Variants in KCNJ6 observed in about 807,000 individuals in gnomAD.
The protein encoded by KCNJ6 is G protein-activated inward rectifier potassium channel 2.
In KCNJ6, 9 loss-of-function variants were observed where a neutral mutation model predicts 34.2. The observed-to-expected ratio is 0.26, with a 90% CI of 0.16 to 0.46. The LOEUF (loss-of-function observed/expected upper bound fraction) is 0.46, where lower values mean the gene tolerates loss of function less well. KCNJ6 is among the 20% of genes least tolerant of loss of function. The pLI is 1.00. For synonymous variants in KCNJ6, 196 were observed against 207.1 expected, an observed-to-expected ratio of 0.95 and a Z score of 0.46; for missense variants, 236 against 531.3, an observed-to-expected ratio of 0.44 and a Z score of 5.46.
intron 3 of KCNJ6, among the ~76,000 whole-genome samples, chr21:37,632,170 A>G (rs2054336800): frequency 6.6e-6 from 1 of 151,990 alleles, no homozygotes; most frequent in Admixed American, 6.6e-5. Flanking sequence ...GAGGATTTCC[A>G]GATTCTGTGT....
intron 2 of KCNJ6, among the ~76,000 whole-genome samples, chr21:37,733,056 T>C (rs1385093430): frequency 6.6e-6 from 1 of 152,228 alleles, no homozygotes; most frequent in Non-Finnish European, 1.5e-5. Context: ...ACTTCACCTT[T>C]AATGCACACT....
chr21:37,652,715 C>G (rs1310028012), intron 3 of KCNJ6, among the ~76,000 whole-genome samples: 1 of 152,180 alleles, frequency 6.6e-6, no homozygotes, highest in Non-Finnish European at 1.5e-5. Flanking sequence ...TGATTGGCCA[C>G]TCTAGTTGTC....
At chr21:37,735,212 T>C (rs2054906713) in intron 2 of KCNJ6, among the ~76,000 whole-genome samples, 1 of 152,144 alleles carries the variant, frequency 6.6e-6, no homozygotes, top group African/African-American at 2.4e-5. Flanking sequence ...GAAGATTCTC[T>C]GACACAATGG....
chr21:37,661,212 T>G (rs959190304), intron 3 of KCNJ6, among the ~76,000 whole-genome samples: 1 of 152,186 alleles, frequency 6.6e-6, no homozygotes, highest in Non-Finnish European at 1.5e-5. Flanking sequence ...CTCCCACCTT[T>G]TGGTATAATT....
intron 1 of KCNJ6, among the ~76,000 whole-genome samples, chr21:37,889,124 AT>A (rs1357110896): frequency 6.6e-6 from 1 of 152,196 alleles, no homozygotes; most frequent in African/African-American, 2.4e-5. Context: ...TCAAAATCAG[AT>A]GTGAACCACA....
intron 2 of KCNJ6, among the ~76,000 whole-genome samples, chr21:37,732,531 T>C (rs2054891117): frequency 6.6e-6 from 1 of 152,198 alleles, no homozygotes; most frequent in Non-Finnish European, 1.5e-5. Context: ...GGGGAAGCTA[T>C]TTCGGAAGAA....
intron 1 of KCNJ6, among the ~76,000 whole-genome samples, chr21:37,866,939 A>T (rs73904483): frequency 1.3e-5 from 2 of 152,226 alleles, no homozygotes; most frequent in Non-Finnish European, 2.9e-5. Context: ...AGCTATTTTT[A>T]CAATCTCTAA....
chr21:37,903,821 T>C (rs1033286858), intron 1 of KCNJ6, among the ~76,000 whole-genome samples: 1 of 152,224 alleles, frequency 6.6e-6, no homozygotes, highest in East Asian at 1.9e-4. Context: ...ACTTGTACAT[T>C]GCAAGGGCTC....
chr21:37,686,756 C>T (rs185055263), intron 3 of KCNJ6, among the ~76,000 whole-genome samples: 53 of 152,172 alleles, frequency 3.5e-4, no homozygotes, highest in African/African-American at 1.2e-3. Flanking sequence ...CGTGAGCCAC[C>T]GCGCCCAGCC....
At chr21:37,652,015 ATGT>A (rs2054436042) in intron 3 of KCNJ6, among the ~76,000 whole-genome samples, 1 of 152,170 alleles carries the variant, frequency 6.6e-6, no homozygotes, top group African/African-American at 2.4e-5. Flanking sequence ...ACAGTAGCTG[ATGT>A]TGTGGAACGT....
Position 37,618,861 on chromosome 21 carries a change from A to G in KCNJ6, c.*6298T>C, listed in dbSNP as rs2054281522. The G allele has an allele frequency of 6.6e-6, 1 of 152,234 alleles. No individual in the cohort carries two copies. The highest frequency in any genetic ancestry group is 2.4e-5 in the African/African-American group (1 of 41,468). The allele number at this position is 152,234 out of a possible 1,614,324, so 9.4% of individuals were successfully genotyped here. ...GACTCTCTTATTGAATTAGGTGGATACATGAAGCTTTCTTTTACCAAGGCA... is the reference window on the plus strand; with the variant it reads ...GACTCTCTTATTGAATTAGGTGGATGCATGAAGCTTTCTTTTACCAAGGCA... On this transcript the variant is annotated 3_prime_UTR_variant, in exon 4 of 4. Transcript: ENST00000609713.
At chr21:37,880,100 CA>C (rs10627837) in intron 1 of KCNJ6, among the ~76,000 whole-genome samples, 360 of 145,606 alleles carry the variant, frequency 2.5e-3, no homozygotes, top group African/African-American at 7.3e-3. Flanking sequence ...TCTAAAAATA[CA>C]AAAAAAAAAA....
At position 37,607,877 on chromosome 21, in the gene KCNJ6, T is replaced by C. The variant is rs1176216081; in HGVS notation, c.*17282A>G. On this transcript the variant is annotated 3_prime_UTR_variant, in exon 4 of 4. Transcript: ENST00000609713. ...TGTATGTTATATTTCTTAATATCCC[T>C]AAGTCCCTTCTAAAATAAACTCTTG... 1 of 152,236 alleles carries C rather than the reference T, an allele frequency of 6.6e-6. No individual in the cohort carries two copies. The highest frequency in any genetic ancestry group is 1.5e-5 in the Non-Finnish European group (1 of 68,026). 9.4% of individuals were successfully genotyped at this position (152,236 alleles called of 1,614,324 possible).
intron 2 of KCNJ6, among the ~76,000 whole-genome samples, chr21:37,743,838 T>TA (rs529165342): frequency 1.6e-3 from 250 of 152,160 alleles, no homozygotes; most frequent in African/African-American, 5.6e-3. Flanking sequence ...CTTACACCAT[T>TA]AAAAAAACCC....
chr21:37,761,175 G>C (rs1389570813), intron 2 of KCNJ6, among the ~76,000 whole-genome samples: 2 of 151,066 alleles, frequency 1.3e-5, no homozygotes, highest in African/African-American at 4.9e-5. Flanking sequence ...TGTGTGTTGT[G>C]TGTGCATGTG....
Position 37,617,124 on chromosome 21 carries a change from C to CTTCCTTCTTTCT in KCNJ6, c.*8023_*8034dup, listed in dbSNP as rs1431824370. On this transcript the variant is annotated 3_prime_UTR_variant, in exon 4 of 4. Coordinates refer to ENST00000609713, the MANE Select transcript of KCNJ6 (RefSeq NM_002240.5). ...TCTTTCTTTCTTTCCTTCTTCCTTC[C>CTTCCTTCTTTCT]TTCCTTCTTTCTTTCCTTCCTTCCT... 6 of 121,376 alleles carry CTTCCTTCTTTCT rather than the reference C, an allele frequency of 4.9e-5. No individual in the cohort carries two copies. The highest frequency in any genetic ancestry group is 9.9e-5 in the Non-Finnish European group (6 of 60,330). The allele number at this position is 121,376 out of a possible 1,614,324, so 7.5% of individuals were successfully genotyped here. A position where few individuals can be genotyped will look rare whatever the true frequency, so the allele number is the denominator to read the frequency against.
intron 2 of KCNJ6, among the ~76,000 whole-genome samples, chr21:37,729,682 A>G (rs541556866): frequency 2.0e-5 from 3 of 152,346 alleles, no homozygotes; most frequent in Non-Finnish European, 4.4e-5. Flanking sequence ...AGTTAGAACC[A>G]TTAAGAACCT....
Position 37,720,107 on chromosome 21 carries a change from G to GGT in KCNJ6, c.26-4977_26-4976insAC, listed in dbSNP as rs2054817042. Among the ~76,000 whole-genome samples, 6 of 151,158 alleles carry GGT rather than the reference G, an allele frequency of 4.0e-5. No individual in the cohort carries two copies. The South Asian group carries it at 1.3e-3, about 32-fold the overall frequency. On this transcript the variant is annotated intron_variant, in intron 2 of 3. Coordinates refer to ENST00000609713, the MANE Select transcript of KCNJ6 (RefSeq NM_002240.5). ...GTTAATAGGGCAATTTTGGGTGGGG[G>GGT]GGTTCATGAGTACTTTTAATTTTCT...
intron 3 of KCNJ6, among the ~76,000 whole-genome samples, chr21:37,644,669 C>G (rs193295820): frequency 4.6e-5 from 7 of 152,328 alleles, no homozygotes; most frequent in Non-Finnish European, 8.8e-5. Context: ...CCTGGCCTAG[C>G]TATAGTTCAC....
Sources: gnomAD v4.1 joint callset for allele counts (sites outside exome capture counted in the v4.1 genomes callset) on GRCh38, gnomAD v4.1.1 for gene constraint, MANE v1.5 for transcripts, NCBI Gene and HGNC (gene_info 2026-07-23, HGNC 2026-07-21) for gene names.